Variants in ZNF34 observed in about 807,000 individuals in gnomAD.
The protein encoded by ZNF34 is zinc finger protein 34.
ZNF34 carries 8 observed loss-of-function variants against 14.4 expected under a neutral mutation model. The observed-to-expected ratio is 0.55, with a 90% CI of 0.33 to 1.00. ZNF34 has a LOEUF of 1.00. Among genes scored for constraint, ZNF34 ranks in the 50% least tolerant of loss-of-function variants. The pLI, the probability that ZNF34 is intolerant of heterozygous loss-of-function variation, is 0.03. For synonymous variants in ZNF34, 235 were observed against 247.9 expected, an observed-to-expected ratio of 0.95 and a Z score of 0.49; for missense variants, 538 against 674.2, an observed-to-expected ratio of 0.80 and a Z score of 2.24.
chr8:144,774,444 G>T lies in ZNF34; in HGVS notation c.442C>A (p.Leu148Met). Residue 148 changes from leucine (L) to methionine (M), a missense_variant, in exon 6 of 6, where the codon CTG becomes ATG. By Grantham distance (15) the Leu-to-Met change is conservative. Transcript: ENST00000429371. Reference sequence around the variant, plus strand: ...TCCCTGCTGCTCTCCCCGTTGGTCAGTGTGACTGCCCTGGGGCCTCTCTGC... The same window carrying T: ...TCCCTGCTGCTCTCCCCGTTGGTCATTGTGACTGCCCTGGGGCCTCTCTGC... ...VEQRGPRAVT[L>M]TNGESSRESG... The T allele has an allele frequency of 6.2e-7, 1 of 1,613,982 alleles. No individual in the cohort carries two copies. Among genetic ancestry groups the T allele is most frequent in the East Asian group, 2.2e-5 (1 of 44,862 alleles).
At chr8:144,785,120 A>G (rs1343848858) in intron 1 of ZNF34, among the ~76,000 whole-genome samples, 1 of 147,412 alleles carries the variant, frequency 6.8e-6, no homozygotes, top group African/African-American at 2.4e-5. Flanking sequence ...AAAAAAAAAA[A>G]AAAAAAAAAG....
chr8:144,772,533 G>A lies in ZNF34; in HGVS notation c.*733C>T, dbSNP rs970497234. On this transcript the variant is annotated 3_prime_UTR_variant, in exon 6 of 6. Transcript: ENST00000429371. Reference sequence around the variant, plus strand: ...CTCTATTGACATAAAAAGTATGAATGTTAAGTTTGTTTCATTTATTTTTTG... The same window carrying A: ...CTCTATTGACATAAAAAGTATGAATATTAAGTTTGTTTCATTTATTTTTTG... Among the ~76,000 whole-genome samples, 15 of 152,156 alleles carry A rather than the reference G, an allele frequency of 9.9e-5. No individual in the cohort carries two copies. The highest frequency in any genetic ancestry group is 8.5e-4 in the Admixed American group (13 of 15,248).
At chr8:144,774,991 C>T (rs903125629) in intron 5 of ZNF34, among the ~76,000 whole-genome samples, 1 of 152,194 alleles carries the variant, frequency 6.6e-6, no homozygotes, top group Non-Finnish European at 1.5e-5. Context: ...GAGGCAACAA[C>T]TCACCTACCT....
chr8:144,777,824 G>A lies in ZNF34; in HGVS notation c.160+214C>T, dbSNP rs898003988. Among the ~76,000 whole-genome samples, 2 of 152,102 alleles carry A rather than the reference G, an allele frequency of 1.3e-5. No individual in the cohort carries two copies. The highest frequency in any genetic ancestry group is 4.8e-5 in the African/African-American group (2 of 41,402). On this transcript the variant is annotated intron_variant, in intron 4 of 5. Coordinates refer to ENST00000429371, the MANE Select transcript of ZNF34 (RefSeq NM_001286769.2). This position sits in a 1 kb window ranked among gnomAD's most constrained non-coding sequence, Gnocchi z 4.8. Reference sequence around the variant, plus strand: ...CGGTGTCCCCCGCCCTACCAGGGAGGGGTCTGCCTGGGACCTGGGGCGAGA... The same window carrying A: ...CGGTGTCCCCCGCCCTACCAGGGAGAGGTCTGCCTGGGACCTGGGGCGAGA...
At chr8:144,776,324 A>AG (rs1051807689) in intron 5 of ZNF34, among the ~76,000 whole-genome samples, 4 of 150,798 alleles carry the variant, frequency 2.7e-5, no homozygotes, top group Admixed American at 2.6e-4. Context: ...AAAAAAAAAA[A>AG]AAGAATGGCT....
chr8:144,782,842 C>CA (rs548252812), intron 1 of ZNF34, among the ~76,000 whole-genome samples: 335 of 22,908 alleles, frequency 0.015, 40 homozygotes, highest in Admixed American at 0.017. Flanking sequence ...AAGCCTATCT[C>CA]AAAAAAAAAA....
At chr8:144,781,134 CAAAT>C (rs143853733) in intron 1 of ZNF34, among the ~76,000 whole-genome samples, 11,149 of 140,296 alleles carry the variant, frequency 0.079, 986 homozygotes, top group African/African-American at 0.22. Context: ...GACTCCATCT[CAAAT>C]AAATAAATAA....
rs1334123222 is a variant in ZNF34 at position 144,779,945 on chromosome 8, T to C, written c.-55+283A>G. On this transcript the variant is annotated intron_variant, in intron 2 of 5. Transcript: ENST00000429371. The surrounding 1 kb of genome is among the most constrained non-coding windows in gnomAD (Gnocchi z 4.1). ...GGCTCACACCTGTAATCCTAGCGCT[T>C]TGGGAGGCTGAGGCGGGAGGACAGC... 1.3e-5 allele frequency among the ~76,000 whole-genome samples: 2 copies of C among 151,136 alleles called. No homozygotes were observed. Among genetic ancestry groups the C allele is most frequent in the Admixed American group, 6.6e-5 (1 of 15,118 alleles).
In ZNF34 at chr8:144,778,137, C is replaced by T; in HGVS notation, c.61G>A (p.Val21Met). The T allele has an allele frequency of 6.2e-7, 1 of 1,613,696 alleles. No individual in the cohort carries two copies. The part of the protein sequence containing the change: ...QAEVTFEDVA[V>M]YLSREEWGRL... ...CCCCATTCCTCCCGGGAGAGGTACA[C>T]AGCCACGTCCTCGAAGGTCACCTCG... The change falls in exon 4 of 6, where the codon GTG becomes ATG. Residue 21 changes from valine (V) to methionine (M), a missense_variant. Physicochemically the swap from Val to Met is conservative, Grantham distance 21. Coordinates refer to ENST00000429371, the MANE Select transcript of ZNF34 (RefSeq NM_001286769.2).
In ZNF34 at chr8:144,778,232, C is replaced by T. The variant is rs555020194; in HGVS notation, c.34-68G>A. ...TGGGCTGGTAGGGGCGGGGAGGCAG[C>T]AGAAGCATGCTAAAGGCAGCAGCAC... is the stretch of plus-strand genomic sequence containing the variant. On this transcript the variant is annotated intron_variant, in intron 3 of 5. Coordinates refer to ENST00000429371, the MANE Select transcript of ZNF34 (RefSeq NM_001286769.2). The T allele has an allele frequency of 2.6e-5, 41 of 1,555,736 alleles. No individual in the cohort carries two copies. In the East Asian group the frequency reaches 6.1e-4, roughly 23 times the overall value.
intron 5 of ZNF34, 146 bp from the exon 6 acceptor site, chr8:144,774,751 G>A (rs1825398402): frequency 1.1e-6 from 1 of 928,846 alleles, no homozygotes; most frequent in Non-Finnish European, 1.6e-6. Context: ...GGAGCTCAGA[G>A]GCTTATGCAG....
Position 144,779,896 on chromosome 8 carries a change from A to T in ZNF34, c.-55+332T>A, listed in dbSNP as rs951323650. Among the ~76,000 whole-genome samples, 1 of 152,146 alleles carries T rather than the reference A, an allele frequency of 6.6e-6. No homozygotes were observed. The highest frequency in any genetic ancestry group is 1.5e-5 in the Non-Finnish European group (1 of 68,022). ...AGGGCTAAGGAAGAAAAAATTAAAA[A>T]TGATAGAAGGGGCCAAGCTCGGTGG... On this transcript the variant is annotated intron_variant, in intron 2 of 5. Transcript: ENST00000429371. The surrounding 1 kb of genome is among the most constrained non-coding windows in gnomAD (Gnocchi z 4.1).
In ZNF34 at chr8:144,782,082, G is replaced by A. The variant is rs540132387; in HGVS notation, c.-107-1802C>T. On this transcript the variant is annotated intron_variant, in intron 1 of 5. Coordinates refer to ENST00000429371, the MANE Select transcript of ZNF34 (RefSeq NM_001286769.2). ...CTCACGCCTGTAATCCCAGCACTTT[G>A]GGAGGCTGAGGCGGGTGGATCACGA... is the stretch of plus-strand genomic sequence containing the variant. Among the ~76,000 whole-genome samples the A allele has an allele frequency of 1.4e-4, 22 of 152,290 alleles. No individual in the cohort carries two copies. In the South Asian group the frequency reaches 4.4e-3, roughly 30 times the overall value.
rs199758638 is a variant in ZNF34 at position 144,777,461 on chromosome 8, G to C, written c.277C>G (p.Pro93Ala). ...GGGAGCAGATCCCCTCACGCACCTG[G>C]GCTGTTGACTCTCAGGTGCTCTTTC... Reference protein sequence around the residue: ...SGKEHLRVNSPALGTRTEYKE... With the variant: ...SGKEHLRVNSAALGTRTEYKE... Residue 93 changes from proline to alanine, a missense_variant, in exon 5 of 6, where the codon CCA becomes GCA. Pro to Ala is a conservative substitution (Grantham distance 27). Coordinates refer to ENST00000429371, the MANE Select transcript of ZNF34 (RefSeq NM_001286769.2). The surrounding 1 kb of genome is among the most constrained non-coding windows in gnomAD (Gnocchi z 4.8). 1.9e-4 allele frequency: 289 copies of C among 1,551,468 alleles called. 1 individual carries two copies. The African/African-American group carries it at 3.5e-3, about 19-fold the overall frequency.
chr8:144,776,317 A>G (rs1431911739), intron 5 of ZNF34, among the ~76,000 whole-genome samples: 1 of 151,182 alleles, frequency 6.6e-6, no homozygotes, highest in Non-Finnish European at 1.5e-5. Flanking sequence ...GTCTCAAAAA[A>G]AAAAAAAAAG....
chr8:144,780,191 T>C, intron 2 of ZNF34, 37 bp downstream of exon 2: 1 of 1,504,488 alleles, frequency 6.6e-7, no homozygotes, highest in Non-Finnish European at 9.0e-7. Flanking sequence ...AGCAAAACCC[T>C]GTCTCAAAAT....
At chr8:144,780,396 A>G (rs1039920390) in intron 1 of ZNF34, 116 bp from the exon 2 acceptor site, 13 of 794,464 alleles carry the variant, frequency 1.6e-5, no homozygotes, top group Non-Finnish European at 2.6e-5. Context: ...TTTTTATTTA[A>G]GTATATTTTT....
In ZNF34 at chr8:144,773,324, T is replaced by C. The variant is rs755533731; in HGVS notation, c.1562A>G (p.His521Arg). ...KCSECGKAFR[H>R]SSNMCQHQRI... ...CTGATGCTGACACATGTTGGAACTG[T>C]GCCGGAAGGCCTTCCCACACTCGCT... The change falls in exon 6 of 6, where the codon CAC becomes CGC. Residue 521 changes from histidine (H) to arginine (R), a missense_variant. Around this residue, in one of 3 missense-constraint regions of ZNF34, gnomAD observed 101 missense variants for 123.1 expected, o/e 0.82. Coordinates refer to ENST00000429371, the MANE Select transcript of ZNF34 (RefSeq NM_001286769.2). The surrounding 1 kb of genome is among the most constrained non-coding windows in gnomAD (Gnocchi z 5.4). 3.1e-6 allele frequency: 5 copies of C among 1,614,134 alleles called. No individual in the cohort carries two copies. Among genetic ancestry groups the C allele is most frequent in the Non-Finnish European group, 4.2e-6 (5 of 1,179,970 alleles).
chr8:144,780,471 T>C (rs1463082259), intron 1 of ZNF34, among the ~76,000 whole-genome samples, 191 bp from the exon 2 acceptor site: 1 of 152,190 alleles, frequency 6.6e-6, no homozygotes, highest in Non-Finnish European at 1.5e-5. Context: ...CACAAGCCCA[T>C]GGAACCAGCA....
Sources: gnomAD v4.1 joint callset for allele counts (sites outside exome capture counted in the v4.1 genomes callset) on GRCh38, gnomAD v4.1.1 for gene constraint, gnomAD v4.1.1 regional missense constraint, Gnocchi (gnomAD v3.1) non-coding constraint, MANE v1.5 for transcripts, NCBI Gene and HGNC (gene_info 2026-07-23, HGNC 2026-07-21) for gene names.